The following SIPA1L3 variants were observed in gnomAD, a reference collection of about 807,000 sequenced individuals.
The protein encoded by SIPA1L3 is signal induced proliferation associated 1 like 3.
SIPA1L3 carries 59 observed loss-of-function variants against 150.1 expected under a neutral mutation model. The observed-to-expected ratio is 0.39, with a 90% CI of 0.32 to 0.49. The LOEUF (loss-of-function observed/expected upper bound fraction) is 0.49. Among genes scored for constraint, SIPA1L3 ranks in the 20% least tolerant of loss-of-function variants. The pLI is 0.86. For synonymous variants in SIPA1L3, 1,070 were observed against 1,077.6 expected (o/e 0.99, Z 0.14); for missense variants, 2,211 against 2,489.5 (o/e 0.89, Z 2.38).
chr19:38,082,317 T>TG lies in SIPA1L3; in HGVS notation c.758dup (p.Gly254ArgfsTer165). ...CGGGCAGATCCTGGCCCACACCTCATGGGGGGCGGCGGCGGAGCCAAGGGG... is the reference window on the plus strand; with the variant it reads ...CGGGCAGATCCTGGCCCACACCTCATGGGGGGGCGGCGGCGGAGCCAAGGGG... On this transcript the variant is annotated frameshift_variant, in exon 3 of 22. Coordinates refer to ENST00000222345, the MANE Select transcript of SIPA1L3 (RefSeq NM_015073.3). LOFTEE classifies it high-confidence loss of function. 1 of 1,598,960 alleles carries TG rather than the reference T, an allele frequency of 6.3e-7. No homozygotes were observed.
intron 1 of SIPA1L3, among the ~76,000 whole-genome samples, chr19:37,983,012 G>A (rs1967239929): frequency 6.6e-6 from 1 of 152,182 alleles, no homozygotes; most frequent in Non-Finnish European, 1.5e-5. Context: ...ATCCCAGCCA[G>A]GCCATGTTGA....
At chr19:38,054,463 G>A (rs7256804) in intron 2 of SIPA1L3, among the ~76,000 whole-genome samples, 61,493 of 152,076 alleles carry the variant, frequency 0.4, 14,000 homozygotes, top group African/African-American at 0.62. Context: ...AAAAATTAGC[G>A]GATGTGGTGG....
At chr19:38,195,802 G>GCCCCCCCCC (rs976090881) in intron 18 of SIPA1L3, among the ~76,000 whole-genome samples, 3 of 20,250 alleles carry the variant, frequency 1.5e-4, no homozygotes, top group Non-Finnish European at 3.0e-4. Context: ...GTCCCCCCCC[G>GCCCCCCCCC]CCCCCCCGGG....
chr19:38,154,865 G>A (rs888512911), intron 13 of SIPA1L3, among the ~76,000 whole-genome samples: 4 of 150,926 alleles, frequency 2.7e-5, no homozygotes, highest in Non-Finnish European at 5.9e-5. Flanking sequence ...AGGCTCAAGC[G>A]ATTCTCCTGC....
At chr19:38,077,292 A>G (rs1969858283) in intron 2 of SIPA1L3, among the ~76,000 whole-genome samples, 1 of 152,026 alleles carries the variant, frequency 6.6e-6, no homozygotes, top group Non-Finnish European at 1.5e-5. Flanking sequence ...CTCTACCAAA[A>G]ATTTAAAAAT....
chr19:37,968,089 T>TTTCTTTCTTTCTTTCTTTCTTTC (rs1568483010), intron 1 of SIPA1L3, among the ~76,000 whole-genome samples: 1 of 83,216 alleles, frequency 1.2e-5, no homozygotes, highest in East Asian at 1.5e-3. Flanking sequence ...TTCTTTCTTT[T>TTTCTTTCTTTCTTTCTTTCTTTC]TTTGAGACAG....
At chr19:38,138,920 G>A (rs1360475213) in intron 10 of SIPA1L3, among the ~76,000 whole-genome samples, 1 of 60,222 alleles carries the variant, frequency 1.7e-5, no homozygotes, top group Admixed American at 1.9e-4. Context: ...AAAAAACTGA[G>A]TGTGGTGGCT....
chr19:38,076,414 C>T (rs569578858), intron 2 of SIPA1L3, among the ~76,000 whole-genome samples: 2 of 152,278 alleles, frequency 1.3e-5, no homozygotes, highest in African/African-American at 4.8e-5. Context: ...ACACACTGCA[C>T]TACCGTCATA....
intron 2 of SIPA1L3, among the ~76,000 whole-genome samples, chr19:38,037,007 TACTC>T (rs1395203133): frequency 6.6e-6 from 1 of 152,198 alleles, no homozygotes; most frequent in Non-Finnish European, 1.5e-5. Flanking sequence ...AGAAATACGA[TACTC>T]AGTGAGCAGT....
chr19:38,061,820 G>A (rs150853520), intron 2 of SIPA1L3, among the ~76,000 whole-genome samples: 1 of 150,882 alleles, frequency 6.6e-6, no homozygotes, highest in Non-Finnish European at 1.5e-5. Context: ...TTAACTGGTC[G>A]GTTGGTTATC....
chr19:38,000,150 T>A (rs1201060178), intron 1 of SIPA1L3, among the ~76,000 whole-genome samples: 1 of 152,170 alleles, frequency 6.6e-6, no homozygotes, highest in Non-Finnish European at 1.5e-5. Flanking sequence ...CCTGTTGTAA[T>A]GGGCATGCAC....
intron 18 of SIPA1L3, among the ~76,000 whole-genome samples, chr19:38,197,744 G>C (rs1972993251): frequency 1.3e-5 from 2 of 151,948 alleles, no homozygotes; most frequent in South Asian, 4.2e-4. Flanking sequence ...CCTATTGGCT[G>C]CCCCTGAAAA....
chr19:37,937,078 G>C (rs1017869253), intron 1 of SIPA1L3, among the ~76,000 whole-genome samples: 7 of 152,158 alleles, frequency 4.6e-5, no homozygotes, highest in African/African-American at 1.7e-4. Flanking sequence ...GCCCAGGCTG[G>C]TTTCAGACTC....
intron 15 of SIPA1L3, among the ~76,000 whole-genome samples, chr19:38,174,305 C>T (rs896595638): frequency 6.6e-6 from 1 of 152,192 alleles, no homozygotes; most frequent in Non-Finnish European, 1.5e-5. Flanking sequence ...GAGCACAATT[C>T]CAGCCGCATG....
At chr19:38,091,656 C>T (rs1219025142) in intron 4 of SIPA1L3, among the ~76,000 whole-genome samples, 4 of 152,184 alleles carry the variant, frequency 2.6e-5, no homozygotes, top group Non-Finnish European at 5.9e-5. Flanking sequence ...CCGCCGCACT[C>T]GGCTGCCTCT....
chr19:38,119,346 C>A lies in SIPA1L3; in HGVS notation c.2332C>A (p.Pro778Thr), dbSNP rs371377421. 11 of 1,614,050 alleles carry A rather than the reference C, an allele frequency of 6.8e-6. No individual in the cohort carries two copies. Among genetic ancestry groups the A allele is most frequent in the Non-Finnish European group, 7.6e-6 (9 of 1,180,034 alleles). ...ATCCAAAGACGCTCCTCCTTTCGGC[C>A]CCCCCATCCCCAGTGGAACCACATT... ...TRSKDAPPFGPPIPSGTTFRK... is the reference protein window; with the variant it reads ...TRSKDAPPFGTPIPSGTTFRK... The change falls in exon 9 of 22, where the codon CCC becomes ACC. Residue 778 changes from proline to threonine, a missense_variant. Around this residue, in one of 5 missense-constraint regions of SIPA1L3, gnomAD observed 625 missense variants for 804.2 expected, o/e 0.78. Transcript: ENST00000222345.
chr19:38,091,647 C>T (rs868100104), intron 4 of SIPA1L3, among the ~76,000 whole-genome samples: 6 of 152,160 alleles, frequency 3.9e-5, no homozygotes, highest in South Asian at 2.1e-4. Flanking sequence ...GTGTTCTGGC[C>T]GCCGCACTCG....
Position 38,198,383 on chromosome 19 carries a change from A to T in SIPA1L3, c.4841-6A>T. 1.3e-6 allele frequency: 2 copies of T among 1,536,866 alleles called. No individual in the cohort carries two copies. The highest frequency in any genetic ancestry group is 1.7e-6 in the Non-Finnish European group (2 of 1,143,568). On this transcript the variant is annotated splice_polypyrimidine_tract_variant and splice_region_variant and intron_variant, in intron 18 of 21. Coordinates refer to ENST00000222345, the MANE Select transcript of SIPA1L3 (RefSeq NM_015073.3). The stretch of plus-strand genomic sequence containing the variant: ...AACCACTGCCATCTCCACCCTCCCC[A>T]TCCAGCCACCATCTCAGCCTCGGAG...
At chr19:38,129,931 G>A (rs892593547) in intron 9 of SIPA1L3, among the ~76,000 whole-genome samples, 1 of 152,112 alleles carries the variant, frequency 6.6e-6, no homozygotes, top group Non-Finnish European at 1.5e-5. Context: ...GCCAGGCGTG[G>A]TAGCAGACGC....
Sources: allele counts gnomAD v4.1 joint callset (sites outside exome capture counted in the v4.1 genomes callset), GRCh38; gene constraint gnomAD v4.1.1; regional missense constraint gnomAD v4.1.1; transcripts MANE v1.5; gene names NCBI Gene and HGNC (gene_info 2026-07-23, HGNC 2026-07-21).